NOSIP: variants seen among roughly 807,000 people sequenced by gnomAD.
NOSIP encodes the protein nitric oxide synthase interacting protein, also known as nitric oxide synthase-interacting protein.
A neutral mutation model predicts 36.4 loss-of-function variants in NOSIP; 25 were observed. That is an observed-to-expected ratio of 0.69 (90% CI 0.50 to 0.96). The LOEUF (loss-of-function observed/expected upper bound fraction) is 0.96. Ranked by LOEUF, NOSIP falls within the 40% of genes least tolerant of loss-of-function variation. The pLI, the probability that NOSIP is intolerant of heterozygous loss-of-function variation, is 0.00. For synonymous variants in NOSIP, 187 were observed against 179.2 expected (o/e 1.04, Z -0.35); for missense variants, 370 against 429.0 (o/e 0.86, Z 1.21).
intron 1 of NOSIP, among the ~76,000 whole-genome samples, chr19:49,568,276 G>C (rs911200893): frequency 6.6e-6 from 1 of 152,170 alleles, no homozygotes; most frequent in Non-Finnish European, 1.5e-5. Context: ...GTGTGGGGTG[G>C]AGGGAGCGCC....
At chr19:49,578,796 G>A (rs2080586306) in intron 1 of NOSIP, among the ~76,000 whole-genome samples, 1 of 151,934 alleles carries the variant, frequency 6.6e-6, no homozygotes, top group African/African-American at 2.4e-5. Flanking sequence ...ACAGGTGCCT[G>A]CCATCATGCC....
At chr19:49,564,842 C>G (rs1006201059) in intron 1 of NOSIP, among the ~76,000 whole-genome samples, 1 of 152,174 alleles carries the variant, frequency 6.6e-6, no homozygotes, top group East Asian at 1.9e-4. Flanking sequence ...CAATGAGACA[C>G]AACAGCCTAC....
At chr19:49,557,778 G>A (rs2080274557) in intron 4 of NOSIP, 1 of 988,724 alleles carries the variant, frequency 1.0e-6, no homozygotes, top group Admixed American at 6.1e-5. Context: ...CATGACCTGA[G>A]CTCAGCCCTG....
At chr19:49,574,988 G>T (rs369276743) in intron 1 of NOSIP, among the ~76,000 whole-genome samples, 1 of 150,686 alleles carries the variant, frequency 6.6e-6, no homozygotes, top group Admixed American at 6.7e-5. Flanking sequence ...TCAGCCTCCC[G>T]AGTAGCTGGG....
chr19:49,557,121 G>A lies in NOSIP; in HGVS notation c.387C>T (p.Phe129=). ...SAIVSRPLNP[F]TAKALSGTSP... is the part of the protein sequence containing the mutation. ...TGGTGCCCGAGAGGGCCTTGGCTGT[G>A]AAAGGGTTGAGGGGCCGGCTCACGA... is the stretch of plus-strand genomic sequence containing the variant. Residue 129 remains phenylalanine (F), a synonymous_variant, in exon 5 of 9, where the codon TTC becomes TTT. Coordinates refer to ENST00000596358, the MANE Select transcript of NOSIP (RefSeq NM_001270960.2). 1 of 1,613,100 alleles carries A rather than the reference G, an allele frequency of 6.2e-7. No homozygotes were observed. The highest frequency in any genetic ancestry group is 8.5e-7 in the Non-Finnish European group (1 of 1,179,640).
At chr19:49,559,676 A>G (rs1051833624) in intron 3 of NOSIP, 4 of 500,464 alleles carry the variant, frequency 8.0e-6, no homozygotes, top group Non-Finnish European at 1.5e-5. Flanking sequence ...TCCAAAGGTG[A>G]GCTGCTCCGA....
At position 49,555,614 on chromosome 19, in the gene NOSIP, C is replaced by T. The variant is rs1312439184; in HGVS notation, c.*137G>A. Reference sequence around the variant, plus strand: ...AATATGCTTAGCCCGCTCTTTCAAACTCCAGCGTGCGCTGTAGGAGCACTG... The same window carrying T: ...AATATGCTTAGCCCGCTCTTTCAAATTCCAGCGTGCGCTGTAGGAGCACTG... On this transcript the variant is annotated 3_prime_UTR_variant, in exon 9 of 9. Coordinates refer to ENST00000596358, the MANE Select transcript of NOSIP (RefSeq NM_001270960.2). 12 of 679,248 alleles carry T rather than the reference C, an allele frequency of 1.8e-5. No homozygotes were observed. The highest frequency in any genetic ancestry group is 5.3e-5 in the Admixed American group (2 of 37,760). The allele number at this position is 679,248 out of a possible 1,614,324, so 42.1% of individuals were successfully genotyped here.
chr19:49,555,936 A>G, intron 8 of NOSIP, 114 bp from the exon 9 acceptor site: 1 of 729,534 alleles, frequency 1.4e-6, no homozygotes, highest in East Asian at 2.6e-5. Flanking sequence ...TTGCTGGCTA[A>G]GGAGTAGGAG....
At chr19:49,575,519 C>A (rs1364810600) in intron 1 of NOSIP, among the ~76,000 whole-genome samples, 1 of 152,134 alleles carries the variant, frequency 6.6e-6, no homozygotes, top group East Asian at 1.9e-4. Context: ...CATGAAGCGA[C>A]CAGCTCTGAA....
In NOSIP at chr19:49,556,358, C is replaced by T; in HGVS notation, c.793G>A (p.Gly265Arg). 4 of 1,613,724 alleles carry T rather than the reference C, an allele frequency of 2.5e-6. No individual in the cohort carries two copies. Among genetic ancestry groups the T allele is most frequent in the South Asian group, 2.2e-5 (2 of 91,060 alleles). Residue 265 changes from glycine to arginine, a missense_variant, in exon 8 of 9, where the codon GGA (glycine) becomes AGA (arginine). Transcript: ENST00000596358. Reference sequence around the variant, plus strand: ...ATGTCGCGGTCTGTGAGTTTGTCTCCAGTCACAGGGTCCACCATGTCCTTC... The same window carrying T: ...ATGTCGCGGTCTGTGAGTTTGTCTCTAGTCACAGGGTCCACCATGTCCTTC... ...IRKDMVDPVT[G>R]DKLTDRDIIV...
At chr19:49,564,718 C>T (rs150709250) in intron 1 of NOSIP, among the ~76,000 whole-genome samples, 390 of 152,216 alleles carry the variant, frequency 2.6e-3, no homozygotes, top group African/African-American at 9.2e-3. Flanking sequence ...CACCTGTTTA[C>T]AAGACACATA....
At position 49,556,983 on chromosome 19, in the gene NOSIP, T is replaced by G. The variant is rs751690144; in HGVS notation, c.429A>C (p.Gln143His). Residue 143 changes from glutamine to histidine, a missense_variant, in exon 6 of 9, where the codon CAA becomes CAC. Coordinates refer to ENST00000596358, the MANE Select transcript of NOSIP (RefSeq NM_001270960.2). ...TTGGAGGACCCACACTGGGCCCAGGTTGGACATCATCTGTGGGGGAAGGAA... is the reference window on the plus strand; with the variant it reads ...TTGGAGGACCCACACTGGGCCCAGGGTGGACATCATCTGTGGGGGAAGGAA... ...ALSGTSPDDV[Q>H]PGPSVGPPSK... 1.9e-6 allele frequency: 3 copies of G among 1,608,642 alleles called. No homozygotes were observed. Among genetic ancestry groups the G allele is most frequent in the Non-Finnish European group, 2.5e-6 (3 of 1,177,488 alleles).
At position 49,560,641 on chromosome 19, in the gene NOSIP, G is replaced by C; in HGVS notation, c.51C>G (p.His17Gln). The C allele has an allele frequency of 6.3e-7, 1 of 1,595,480 alleles. No homozygotes were observed. The highest frequency in any genetic ancestry group is 8.5e-7 in the Non-Finnish European group (1 of 1,170,508). ...CTGCACCTGTGTCCTTCTTCTTCTCGTGGTAGGTGTAGACGGCCCCTGCGG... is the reference window on the plus strand; with the variant it reads ...CTGCACCTGTGTCCTTCTTCTTCTCCTGGTAGGTGTAGACGGCCCCTGCGG... ...NCTAGAVYTY[H>Q]EKKKDTAASG... The change falls in exon 2 of 9, where the codon CAC becomes CAG. Residue 17 changes from histidine (H) to glutamine (Q), a missense_variant. His to Gln is a conservative substitution (Grantham distance 24, BLOSUM62 0). Around this residue, in one of 3 missense-constraint regions of NOSIP, gnomAD observed 37 missense variants for 60.2 expected, o/e 0.61. Coordinates refer to ENST00000596358, the MANE Select transcript of NOSIP (RefSeq NM_001270960.2). The surrounding 1 kb of genome is among the most constrained non-coding windows in gnomAD (Gnocchi z 4.6).
chr19:49,568,122 C>T (rs560485711), intron 1 of NOSIP, among the ~76,000 whole-genome samples: 16 of 152,230 alleles, frequency 1.1e-4, no homozygotes, highest in African/African-American at 3.1e-4. Context: ...TAAACTTTGT[C>T]GGTGATGCTT....
Position 49,557,080 on chromosome 19 carries a change from C to T in NOSIP, c.418+10G>A, listed in dbSNP as rs1050032244. 20 of 1,608,280 alleles carry T rather than the reference C, an allele frequency of 1.2e-5. No homozygotes were observed. The African/African-American group carries it at 2.5e-4, about 20-fold the overall frequency. On this transcript the variant is annotated intron_variant, in intron 5 of 8. Coordinates refer to ENST00000596358, the MANE Select transcript of NOSIP (RefSeq NM_001270960.2). ...GCCCCCCAACCCACAAGAAGCCCAA[C>T]CTGAGTCACCTGGGCTGGTGCCCGA... is the stretch of plus-strand genomic sequence containing the variant.
chr19:49,566,794 C>CATATATATATATATATAT (rs147738108), intron 1 of NOSIP: 87 of 142,952 alleles, frequency 6.1e-4, no homozygotes, highest in South Asian at 2.4e-3. Flanking sequence ...CATATACATA[C>CATATATATATATATATAT]ATATATATAT....
Position 49,556,857 on chromosome 19 carries a change from G to C in NOSIP, c.537+18C>G, listed in dbSNP as rs781734698. The C allele has an allele frequency of 8.7e-6, 14 of 1,606,768 alleles. No individual in the cohort carries two copies. The highest frequency in any genetic ancestry group is 2.2e-5 in the East Asian group (1 of 44,844). On this transcript the variant is annotated intron_variant, in intron 6 of 8. Transcript: ENST00000596358. ...GGCGCCCTGGCACCGTGCGTGCCGG[G>C]GCGCTGTGGGGGCTCACCGGCTTCT... is the stretch of plus-strand genomic sequence containing the variant.
chr19:49,568,447 A>G (rs1306455287), intron 1 of NOSIP, among the ~76,000 whole-genome samples: 2 of 152,330 alleles, frequency 1.3e-5, no homozygotes, highest in East Asian at 3.9e-4. Flanking sequence ...TCCCACACAC[A>G]CACTTATAGC....
At chr19:49,568,621 G>A (rs199508401) in intron 1 of NOSIP, among the ~76,000 whole-genome samples, 4 of 151,908 alleles carry the variant, frequency 2.6e-5, no homozygotes, top group Non-Finnish European at 5.9e-5. Flanking sequence ...AGCAAATCAA[G>A]AAGAAAATTA....
Sources: allele counts gnomAD v4.1 joint callset (sites outside exome capture counted in the v4.1 genomes callset), GRCh38; gene constraint gnomAD v4.1.1; regional missense constraint gnomAD v4.1.1; non-coding constraint Gnocchi (gnomAD v3.1); transcripts MANE v1.5; gene names NCBI Gene and HGNC (gene_info 2026-07-23, HGNC 2026-07-21).